Variants in ACOXL observed in about 807,000 individuals in gnomAD.
ACOXL encodes the protein acyl-CoA oxidase like, also known as acyl-coenzyme A oxidase-like protein.
A neutral mutation model predicts 71.9 loss-of-function variants in ACOXL; 70 were observed. The ratio of observed to expected loss-of-function variants is 0.97; its 90% CI spans 0.80 to 1.19. The LOEUF (loss-of-function observed/expected upper bound fraction) is 1.19, where lower values mean the gene tolerates loss of function less well. Among genes scored for constraint, ACOXL ranks in the 50% most tolerant of loss-of-function variants. ACOXL has a pLI of 0.00. For synonymous variants in ACOXL, 253 were observed against 281.6 expected (o/e 0.90, Z 1.02); for missense variants, 703 against 736.3 (o/e 0.95, Z 0.52).
intron 9 of ACOXL, among the ~76,000 whole-genome samples, chr2:110,806,422 A>G (rs1686650421): frequency 6.6e-6 from 1 of 152,182 alleles, no homozygotes. Flanking sequence ...GAACTGTCTG[A>G]TATTGAATGA....
intron 12 of ACOXL, among the ~76,000 whole-genome samples, chr2:110,940,552 C>T (rs894092891): frequency 2.6e-5 from 4 of 152,150 alleles, no homozygotes; most frequent in African/African-American, 9.7e-5. Flanking sequence ...TTTCTAACTG[C>T]TTGGTTTATC....
chr2:111,072,875 T>A (rs1253399537), intron 16 of ACOXL, among the ~76,000 whole-genome samples: 6 of 152,234 alleles, frequency 3.9e-5, no homozygotes, highest in Non-Finnish European at 8.8e-5. Flanking sequence ...AAACTTTTTG[T>A]TCCTGATGTA....
chr2:111,082,730 C>T (rs950037495), intron 16 of ACOXL, among the ~76,000 whole-genome samples: 8 of 152,158 alleles, frequency 5.3e-5, no homozygotes, highest in Non-Finnish European at 7.3e-5. Flanking sequence ...AAGACACATG[C>T]ACACATATGT....
chr2:110,772,183 A>G (rs896672169), intron 2 of ACOXL, among the ~76,000 whole-genome samples: 10 of 152,230 alleles, frequency 6.6e-5, no homozygotes, highest in Non-Finnish European at 1.3e-4. Flanking sequence ...AGTTGTATAT[A>G]TAAATGACTA....
At chr2:110,942,465 AT>A (rs2060900929) in intron 12 of ACOXL, among the ~76,000 whole-genome samples, 1 of 152,230 alleles carries the variant, frequency 6.6e-6, no homozygotes, top group Non-Finnish European at 1.5e-5. Context: ...ATTGCCGAGA[AT>A]AAATAACATC....
intron 16 of ACOXL, among the ~76,000 whole-genome samples, chr2:111,063,531 A>G (rs1428849089): frequency 2.0e-5 from 3 of 152,220 alleles, no homozygotes; most frequent in Non-Finnish European, 4.4e-5. Flanking sequence ...AAATCACATT[A>G]TCATTCCAAT....
intron 14 of ACOXL, among the ~76,000 whole-genome samples, chr2:111,020,987 C>T (rs10200225): frequency 0.73 from 111,692 of 152,110 alleles, 41,553 homozygotes; most frequent in Middle Eastern, 0.85. Context: ...CCATCGATCA[C>T]TTTGGCATTG....
chr2:111,018,390 A>AG (rs2064567221), intron 14 of ACOXL, among the ~76,000 whole-genome samples: 1 of 152,206 alleles, frequency 6.6e-6, no homozygotes, highest in Non-Finnish European at 1.5e-5. Flanking sequence ...CTTTGAGGCA[A>AG]GGCATGGGGA....
intron 14 of ACOXL, among the ~76,000 whole-genome samples, chr2:111,029,730 G>A (rs6751359): frequency 0.071 from 10,820 of 152,244 alleles, 744 homozygotes; most frequent in African/African-American, 0.17. Context: ...GCCAGCAGGG[G>A]TGAGGTTACA....
chr2:110,997,518 C>T (rs2063451280), intron 14 of ACOXL, among the ~76,000 whole-genome samples: 1 of 152,180 alleles, frequency 6.6e-6, no homozygotes, highest in Non-Finnish European at 1.5e-5. Flanking sequence ...GAGGAAACTT[C>T]ATGATCTAAG....
intron 12 of ACOXL, among the ~76,000 whole-genome samples, chr2:110,950,157 C>T (rs1337516074): frequency 1.3e-5 from 2 of 151,956 alleles, no homozygotes; most frequent in Admixed American, 1.3e-4. Flanking sequence ...AGGAGATATA[C>T]CTAATGCTAA....
rs533794500 is a variant in ACOXL, at chr2:110,849,234, T to C, written c.788+7829T>C. On this transcript the variant is annotated intron_variant, in intron 10 of 17. Transcript: ENST00000439055. ...TGTTCCCTCCACAAGTGCCCCTCTATGTCCTTACAGCCAAGGCCATTTAAC... is the reference window on the plus strand; with the variant it reads ...TGTTCCCTCCACAAGTGCCCCTCTACGTCCTTACAGCCAAGGCCATTTAAC... 2.0e-5 allele frequency among the ~76,000 whole-genome samples: 3 copies of C among 152,344 alleles called. No homozygotes were observed. In the East Asian group the frequency reaches 5.8e-4, roughly 29 times the overall value.
chr2:111,043,906 G>T (rs2065899105), intron 15 of ACOXL, among the ~76,000 whole-genome samples: 1 of 152,178 alleles, frequency 6.6e-6, no homozygotes, highest in African/African-American at 2.4e-5. Flanking sequence ...CTGAAGCTCA[G>T]CTGGTGCAAT....
At chr2:110,898,337 A>C (rs552986242) in intron 10 of ACOXL, among the ~76,000 whole-genome samples, 146 of 152,320 alleles carry the variant, frequency 9.6e-4, no homozygotes, top group African/African-American at 3.4e-3. Context: ...AGATACAAAA[A>C]ATTTTAGCAA....
chr2:110,989,812 G>A (rs192071962), intron 13 of ACOXL, among the ~76,000 whole-genome samples: 7 of 152,238 alleles, frequency 4.6e-5, no homozygotes, highest in African/African-American at 7.2e-5. Flanking sequence ...AGGCTGAGAC[G>A]GGTGGATCAC....
At chr2:110,930,447 T>C (rs920608906) in intron 11 of ACOXL, among the ~76,000 whole-genome samples, 32 of 152,252 alleles carry the variant, frequency 2.1e-4, no homozygotes, top group African/African-American at 7.2e-4. Flanking sequence ...TGGAAGGGAC[T>C]TGCTTTGACT....
chr2:110,759,505 T>G (rs1680112526), intron 1 of ACOXL, among the ~76,000 whole-genome samples: 1 of 152,090 alleles, frequency 6.6e-6, no homozygotes, highest in Non-Finnish European at 1.5e-5. Flanking sequence ...CAACCCTTGA[T>G]TTTTTTTCCA....
intron 1 of ACOXL, among the ~76,000 whole-genome samples, chr2:110,746,178 C>T (rs1678171169): frequency 6.6e-6 from 1 of 152,206 alleles, no homozygotes; most frequent in African/African-American, 2.4e-5. Context: ...CAGATGTTGA[C>T]TGCAGAGCTG....
chr2:110,775,549 A>G (rs1241433967), intron 2 of ACOXL, among the ~76,000 whole-genome samples: 2 of 152,172 alleles, frequency 1.3e-5, no homozygotes, highest in Admixed American at 1.3e-4. Flanking sequence ...CTCAACAAGA[A>G]AAAAACCAAA....
Sources: allele counts gnomAD v4.1 joint callset (sites outside exome capture counted in the v4.1 genomes callset), GRCh38; gene constraint gnomAD v4.1.1; transcripts MANE v1.5; gene names NCBI Gene and HGNC (gene_info 2026-07-23, HGNC 2026-07-21).